Variants in SYP observed in about 807,000 individuals in gnomAD.
The protein encoded by SYP is synaptophysin.
Under a neutral mutation model 24.3 loss-of-function variants are expected in SYP, and 2 were observed. The observed-to-expected ratio is 0.08, with a 90% CI of 0.03 to 0.26. SYP has a LOEUF of 0.26. Ranked by LOEUF, SYP falls within the 10% of genes least tolerant of loss-of-function variation. The probability of loss-of-function intolerance (pLI) is 1.00; values close to 1 mark genes in which losing one functional copy is unlikely to be tolerated. For synonymous variants in SYP, 143 were observed against 123.2 expected (o/e 1.16, Z -1.07); for missense variants, 216 against 266.3 (o/e 0.81, Z 1.32).
chrX:49,200,173 G>T lies in SYP; in HGVS notation c.14C>A (p.Ala5Glu), dbSNP rs782485418. Residue 5 changes from alanine to glutamate, a missense_variant, in exon 1 of 7, where the codon GCG becomes GAG. This residue lies in a region of SYP where 102 missense variants were observed against 158.4 expected (regional missense o/e 0.64). Transcript: ENST00000263233. ...TACCTGATTCACCACGTCCATGTCC[G>T]CCAGCAGCAGCATCAGCAATGCAGG... MLLLADMDVVNQLVA... is the reference protein window; with the variant it reads MLLLEDMDVVNQLVA... 2.6e-6 allele frequency: 3 copies of T among 1,163,915 alleles called. No homozygotes were observed. Among genetic ancestry groups the T allele is most frequent in the African/African-American group, 3.6e-5 (2 of 55,665 alleles).
At chrX:49,191,124 A>C in intron 6 of SYP, 1 of 351,323 alleles carries the variant, frequency 2.8e-6, no homozygotes, top group East Asian at 5.3e-5. Context: ...GTCCCCCGAT[A>C]TTCCCTCCCT....
chrX:49,190,520 A>ATTTT (rs35241578), intron 6 of SYP: 1 of 66,113 alleles, frequency 1.5e-5, no homozygotes. Flanking sequence ...CTTTCTTTCC[A>ATTTT]TTTTTTTTTT....
intron 1 of SYP, 105 bp from the exon 2 acceptor site, chrX:49,199,138 G>C: frequency 2.5e-6 from 2 of 798,700 alleles, no homozygotes; most frequent in Middle Eastern, 2.9e-4. Context: ...ATGTGACCTC[G>C]GGGAGAGGGT....
intron 1 of SYP, 156 bp from the exon 2 acceptor site, chrX:49,199,189 AG>A (rs34166368): frequency 1.9e-6 from 1 of 533,133 alleles, no homozygotes; most frequent in Non-Finnish European, 3.3e-6. Context: ...TGTGAGCCCC[AG>A]GGTCCAAGGA....
intron 5 of SYP, among the ~76,000 whole-genome samples, 185 bp from the exon 6 acceptor site, chrX:49,191,948 G>A (rs2065511304): frequency 8.9e-6 from 1 of 112,558 alleles, no homozygotes; most frequent in African/African-American, 3.2e-5. Context: ...CGGGGTGGGC[G>A]TGTTAGAAGA....
intron 3 of SYP, among the ~76,000 whole-genome samples, chrX:49,195,370 CA>C (rs1569526912): frequency 9.0e-6 from 1 of 110,659 alleles, no homozygotes; most frequent in Non-Finnish European, 1.9e-5. Flanking sequence ...CCTAAAGTCA[CA>C]CAGCTGGCAA....
In SYP at chrX:49,193,258, C is replaced by T; in HGVS notation, c.615+14G>A. On this transcript the variant is annotated intron_variant, in intron 5 of 6. Transcript: ENST00000263233. ...TTTCCACTCTCCCTCCTCCAGCCAG[C>T]ACCCAGGGCTTACCACCGAGGTGTT... The T allele has an allele frequency of 8.3e-7, 1 of 1,210,573 alleles. No homozygotes were observed. The highest frequency in any genetic ancestry group is 1.1e-6 in the Non-Finnish European group (1 of 894,577).
chrX:49,198,373 C>T (rs1007998098), intron 2 of SYP: 5 of 123,043 alleles, frequency 4.1e-5, no homozygotes, highest in Non-Finnish European at 8.2e-5. Context: ...CTCTGTCTCC[C>T]TCTTGCCTCT....
chrX:49,192,906 C>T (rs1293620998), intron 5 of SYP, among the ~76,000 whole-genome samples: 9 of 111,839 alleles, frequency 8.0e-5, no homozygotes, highest in African/African-American at 2.6e-4. Flanking sequence ...GGGATTTGAG[C>T]GCAGACAGTC....
intron 3 of SYP, among the ~76,000 whole-genome samples, chrX:49,196,003 A>T (rs2065527114): frequency 9.0e-6 from 1 of 111,058 alleles, no homozygotes. Context: ...CTAAGAGGGA[A>T]TGAGAGGTCC....
In SYP at chrX:49,191,535, C is replaced by A. The variant is rs781783464; in HGVS notation, c.844G>T (p.Ala282Ser). 59 of 1,210,190 alleles carry A rather than the reference C, an allele frequency of 4.9e-5. No homozygotes were observed. The South Asian group carries it at 9.2e-4, about 19-fold the overall frequency. The change falls in exon 6 of 7, where the codon GCC (alanine) becomes TCC (serine). Residue 282 changes from alanine (A) to serine (S), a missense_variant. Transcript: ENST00000263233. ...CCGTAGCCACTGCCACCGCTGCCGG[C>A]TGGTTGACCATAGTCAGGCTGGTAG... ...GGYQPDYGQP[A>S]GSGGSGYGPQ...
chrX:49,191,459 G>A lies in SYP; in HGVS notation c.920C>T (p.Thr307Ile), dbSNP rs1218095990. The A allele has an allele frequency of 1.7e-6, 2 of 1,210,350 alleles. No individual in the cohort carries two copies. Among genetic ancestry groups the A allele is most frequent in the Admixed American group, 2.2e-5 (1 of 45,924 alleles). ...AGACTACATCTGATTGGAGAAGGAGGTGGGTGCACCCTGCGGGCCGTAGCC... is the reference window on the plus strand; with the variant it reads ...AGACTACATCTGATTGGAGAAGGAGATGGGTGCACCCTGCGGGCCGTAGCC... ...QQGYGPQGAP[T>I]SFSNQM The change falls in exon 6 of 7, where the codon ACC becomes ATC. Residue 307 changes from threonine to isoleucine, a missense_variant. Thr to Ile is a moderately conservative substitution (Grantham distance 89, BLOSUM62 -1). Transcript: ENST00000263233.
At chrX:49,197,639 C>CG (rs782085197) in intron 3 of SYP, 76 bp downstream of exon 3, 3 of 1,157,195 alleles carry the variant, frequency 2.6e-6, no homozygotes, top group Non-Finnish European at 3.5e-6. Context: ...GAGCTACTTG[C>CG]GGGGGGAGGT....
chrX:49,190,350 TTA>T (rs2065501960), intron 6 of SYP, among the ~76,000 whole-genome samples: 2 of 109,501 alleles, frequency 1.8e-5, no homozygotes, highest in South Asian at 3.9e-4. Flanking sequence ...CGGCTAATTT[TTA>T]TATGTTTAGT....
At chrX:49,199,812 A>AC (rs1444002821) in intron 1 of SYP, among the ~76,000 whole-genome samples, 1 of 91,939 alleles carries the variant, frequency 1.1e-5, no homozygotes, top group Non-Finnish European at 2.2e-5. Flanking sequence ...TATCCGCAGC[A>AC]CCCCCCATCT....
At chrX:49,193,217 T>C (rs1474959825) in intron 5 of SYP, 55 bp downstream of exon 5, 20 of 1,172,808 alleles carry the variant, frequency 1.7e-5, no homozygotes, top group Non-Finnish European at 2.3e-5. Flanking sequence ...CCACTCCCCA[T>C]GCCGGACTGT....
chrX:49,199,272 G>A, intron 1 of SYP: 1 of 416,714 alleles, frequency 2.4e-6, no homozygotes, highest in East Asian at 4.0e-5. Context: ...ATGGGGATGA[G>A]GTCAGGACTA....
At chrX:49,190,701 T>C (rs895551949) in intron 6 of SYP, 1 of 111,538 alleles carries the variant, frequency 9.0e-6, no homozygotes, top group African/African-American at 3.3e-5. Flanking sequence ...GTATTTTTTG[T>C]AGAGGTGGGA....
intron 1 of SYP, 136 bp downstream of exon 1, chrX:49,200,015 C>T: frequency 2.6e-6 from 2 of 769,482 alleles, no homozygotes; most frequent in Admixed American, 2.8e-5. Context: ...CTGCCGCAGA[C>T]CCCCATCCCC....
Sources: gnomAD v4.1 joint callset for allele counts (sites outside exome capture counted in the v4.1 genomes callset) on GRCh38, gnomAD v4.1.1 for gene constraint, gnomAD v4.1.1 regional missense constraint, MANE v1.5 for transcripts, NCBI Gene and HGNC (gene_info 2026-07-23, HGNC 2026-07-21) for gene names.